ATP10A: variants seen among roughly 807,000 people sequenced by gnomAD.
ATP10A encodes the protein phospholipid-transporting ATPase VA.
ATP10A carries 111 observed loss-of-function variants against 147.8 expected under a neutral mutation model. That is an observed-to-expected ratio of 0.75 (90% CI 0.64 to 0.88). The LOEUF is 0.88. Ranked by LOEUF, ATP10A falls within the 40% of genes least tolerant of loss-of-function variation. The pLI is 0.00. For missense variants in ATP10A, 1,927 were observed against 1,959.0 expected, an observed-to-expected ratio of 0.98 and a Z score of 0.31; for synonymous variants, 875 against 841.6, an observed-to-expected ratio of 1.04 and a Z score of -0.69.
intron 2 of ATP10A, among the ~76,000 whole-genome samples, chr15:25,750,638 A>G (rs1374680433): frequency 6.6e-6 from 1 of 152,134 alleles, no homozygotes; most frequent in African/African-American, 2.4e-5. Flanking sequence ...TTTTCTTATT[A>G]CATAAATCTC....
chr15:25,736,562 C>T (rs576633934), intron 2 of ATP10A, among the ~76,000 whole-genome samples: 59 of 152,250 alleles, frequency 3.9e-4, no homozygotes, highest in African/African-American at 1.3e-3. Flanking sequence ...ATTTTTTCAA[C>T]GTACACTACA....
In ATP10A at chr15:25,736,459, G is replaced by A. The variant is rs148428665; in HGVS notation, c.655-318C>T. Among the ~76,000 whole-genome samples the A allele has an allele frequency of 4.8e-4, 73 of 152,320 alleles. No individual in the cohort carries two copies. In the East Asian group the frequency reaches 0.013, roughly 26 times the overall value. On this transcript the variant is annotated intron_variant, in intron 2 of 20. Transcript: ENST00000555815. ...GAGGCCATCAATGAAGCAAAGGGATGAATGAGTTTTTTAAGACACACGGCA... is the reference window on the plus strand; with the variant it reads ...GAGGCCATCAATGAAGCAAAGGGATAAATGAGTTTTTTAAGACACACGGCA...
intron 2 of ATP10A, among the ~76,000 whole-genome samples, chr15:25,767,630 C>G (rs920954668): frequency 5.3e-5 from 8 of 152,222 alleles, no homozygotes; most frequent in African/African-American, 1.9e-4. Context: ...CTGGCCCACC[C>G]CACATGAGGG....
intron 1 of ATP10A, among the ~76,000 whole-genome samples, chr15:25,840,805 G>A (rs901676372): frequency 7.2e-5 from 11 of 152,120 alleles, no homozygotes; most frequent in African/African-American, 2.4e-4. Context: ...CCTCAGCAGC[G>A]TTTGGTGGTA....
chr15:25,746,451 C>T (rs755514634), intron 2 of ATP10A, among the ~76,000 whole-genome samples: 9 of 151,980 alleles, frequency 5.9e-5, no homozygotes, highest in Admixed American at 1.3e-4. Flanking sequence ...GTCAAAAAAC[C>T]AGGAAGTTAT....
intron 1 of ATP10A, among the ~76,000 whole-genome samples, chr15:25,807,007 A>G (rs1215605976): frequency 1.3e-5 from 2 of 152,148 alleles, no homozygotes; most frequent in Non-Finnish European, 2.9e-5. Context: ...GTGTGTTTCC[A>G]TCAAACGGAG....
intron 1 of ATP10A, among the ~76,000 whole-genome samples, chr15:25,832,037 T>C (rs1005489261): frequency 6.6e-6 from 1 of 152,060 alleles, no homozygotes; most frequent in Middle Eastern, 3.4e-3. Flanking sequence ...CAATGACTGG[T>C]ATCCTTATAA....
At chr15:25,787,925 G>T (rs958688436) in intron 1 of ATP10A, among the ~76,000 whole-genome samples, 3 of 152,136 alleles carry the variant, frequency 2.0e-5, no homozygotes, top group South Asian at 4.1e-4. Flanking sequence ...GCCATAGAAG[G>T]ACACTGCCCT....
chr15:25,839,511 G>C (rs1267140376), intron 1 of ATP10A, among the ~76,000 whole-genome samples: 1 of 151,668 alleles, frequency 6.6e-6, no homozygotes, highest in East Asian at 2.0e-4. Context: ...CTGGAAAGAG[G>C]GTAAATCTAC....
intron 1 of ATP10A, among the ~76,000 whole-genome samples, chr15:25,855,812 A>G (rs1163975309): frequency 1.3e-5 from 2 of 152,326 alleles, no homozygotes; most frequent in East Asian, 3.9e-4. Flanking sequence ...GGAAGCCACA[A>G]AACAATTATT....
intron 1 of ATP10A, among the ~76,000 whole-genome samples, chr15:25,788,552 G>A (rs1890274199): frequency 6.6e-6 from 1 of 152,218 alleles, no homozygotes; most frequent in South Asian, 2.1e-4. Context: ...CACATCTCCT[G>A]TTTTCTTTTT....
intron 2 of ATP10A, among the ~76,000 whole-genome samples, chr15:25,742,743 C>T (rs375605301): frequency 1.1e-4 from 17 of 152,154 alleles, no homozygotes; most frequent in African/African-American, 3.9e-4. Context: ...CAGTAGGTAA[C>T]GAGAGTTGTT....
intron 1 of ATP10A, among the ~76,000 whole-genome samples, chr15:25,828,009 T>C (rs979063031): frequency 6.6e-6 from 1 of 152,068 alleles, no homozygotes; most frequent in East Asian, 1.9e-4. Context: ...ATGTTAGTAT[T>C]AGAACAAAAA....
At chr15:25,721,933 A>G (rs1213049993) in intron 6 of ATP10A, 24 bp from the exon 7 acceptor site, 1 of 1,604,050 alleles carries the variant, frequency 6.2e-7, no homozygotes, top group South Asian at 1.1e-5. Flanking sequence ...GGCACACAGG[A>G]TGAATGACCG....
intron 2 of ATP10A, among the ~76,000 whole-genome samples, chr15:25,742,662 G>A (rs983553899): frequency 6.6e-5 from 10 of 152,202 alleles, no homozygotes; most frequent in Admixed American, 1.3e-4. Flanking sequence ...GGCTGTGGCT[G>A]TCAGCAAAGC....
intron 1 of ATP10A, among the ~76,000 whole-genome samples, chr15:25,801,063 C>T (rs1890913509): frequency 6.6e-6 from 1 of 152,126 alleles, no homozygotes; most frequent in Admixed American, 6.5e-5. Flanking sequence ...GGGGTGACAG[C>T]CTCTCCTCTG....
chr15:25,807,639 T>C (rs1050130702), intron 1 of ATP10A, among the ~76,000 whole-genome samples: 2 of 151,762 alleles, frequency 1.3e-5, no homozygotes, highest in African/African-American at 4.8e-5. Context: ...CCCGCCTCTA[T>C]GAAAAATACA....
chr15:25,723,173 AC>A (rs1902347494), intron 6 of ATP10A, among the ~76,000 whole-genome samples: 1 of 152,002 alleles, frequency 6.6e-6, no homozygotes, highest in Admixed American at 6.6e-5. Context: ...ACATGGTGAA[AC>A]CCCATCTCTA....
At chr15:25,683,689 A>G in intron 16 of ATP10A, 1 of 586,058 alleles carries the variant, frequency 1.7e-6, no homozygotes, top group Non-Finnish European at 3.0e-6. Context: ...CGCCCTCCTC[A>G]CTCCCTTAAG....
Sources: allele counts gnomAD v4.1 joint callset (sites outside exome capture counted in the v4.1 genomes callset), GRCh38; gene constraint gnomAD v4.1.1; transcripts MANE v1.5; gene names NCBI Gene and HGNC (gene_info 2026-07-23, HGNC 2026-07-21).